Variants in SLC44A5 observed in about 807,000 individuals in gnomAD.
SLC44A5 encodes the protein solute carrier family 44 member 5.
In SLC44A5, 57 loss-of-function variants were observed where a neutral mutation model predicts 101.8. The ratio of observed to expected loss-of-function variants is 0.56; its 90% CI spans 0.45 to 0.70. SLC44A5 has a LOEUF of 0.70. SLC44A5 is among the 30% of genes least tolerant of loss of function. The pLI, the probability that SLC44A5 is intolerant of heterozygous loss-of-function variation, is 0.00. For missense variants in SLC44A5, 737 were observed against 853.1 expected, an observed-to-expected ratio of 0.86 and a Z score of 1.70; for synonymous variants, 281 against 290.9, an observed-to-expected ratio of 0.97 and a Z score of 0.35.
intron 3 of SLC44A5, among the ~76,000 whole-genome samples, chr1:75,384,153 G>A (rs7552855): frequency 1.1e-4 from 16 of 151,476 alleles, no homozygotes; most frequent in Admixed American, 5.9e-4. Flanking sequence ...ATGAACTAAC[G>A]AGCAAAATAA....
At chr1:75,702,274 A>G in the SLC44A5 span, among the ~76,000 whole-genome samples, 4 of 152,300 alleles carry the variant, frequency 2.6e-5, no homozygotes, top group African/African-American at 4.8e-5. Flanking sequence ...CAAGGCTACA[A>G]TAACGAAAAC....
At chr1:75,647,820 A>G in the SLC44A5 span, among the ~76,000 whole-genome samples, 3 of 152,198 alleles carry the variant, frequency 2.0e-5, no homozygotes, top group Non-Finnish European at 4.4e-5. Context: ...CTCCCATTGT[A>G]CCTTGGAAGT....
chr1:75,581,764 A>C (rs1673710539), intron 1 of SLC44A5, among the ~76,000 whole-genome samples: 1 of 152,084 alleles, frequency 6.6e-6, no homozygotes, highest in South Asian at 2.1e-4. Context: ...CCTCACTCTT[A>C]ATTCCCTTGA....
chr1:75,714,662 A>G, the SLC44A5 span, among the ~76,000 whole-genome samples: 2 of 152,190 alleles, frequency 1.3e-5, no homozygotes, highest in African/African-American at 2.4e-5. Flanking sequence ...CAAAATTTCA[A>G]TGTACAAAAA....
At chr1:75,629,379 G>C in the SLC44A5 span, among the ~76,000 whole-genome samples, 2 of 152,154 alleles carry the variant, frequency 1.3e-5, no homozygotes, top group Non-Finnish European at 2.9e-5. Context: ...CAAAGAATCT[G>C]GGCTCCATGT....
chr1:75,250,994 G>A (rs1557578367), intron 7 of SLC44A5, among the ~76,000 whole-genome samples: 1 of 152,112 alleles, frequency 6.6e-6, no homozygotes, highest in Non-Finnish European at 1.5e-5. Context: ...CAATCATCGA[G>A]CTTCCTAAGT....
At chr1:75,318,591 A>G (rs1489488913) in intron 4 of SLC44A5, among the ~76,000 whole-genome samples, 1 of 152,164 alleles carries the variant, frequency 6.6e-6, no homozygotes, top group East Asian at 1.9e-4. Flanking sequence ...TTCATATAGG[A>G]ACTTGAGGAT....
At position 75,292,685 on chromosome 1, in the gene SLC44A5, C is replaced by T. The variant is rs959601496; in HGVS notation, c.175+7927G>A. The stretch of plus-strand genomic sequence containing the variant: ...GTTGATGATCTTTGCAGAAGAATAC[C>T]TGCCTTTCATTTATCCCCCAAACTG... On this transcript the variant is annotated intron_variant, in intron 5 of 23. Coordinates refer to ENST00000370859, the MANE Select transcript of SLC44A5 (RefSeq NM_001130058.2). 6.6e-5 allele frequency among the ~76,000 whole-genome samples: 10 copies of T among 152,156 alleles called. No individual in the cohort carries two copies. In the East Asian group the frequency reaches 7.7e-4, roughly 12 times the overall value.
chr1:75,486,832 A>G (rs1231104905), intron 2 of SLC44A5, among the ~76,000 whole-genome samples: 1 of 152,142 alleles, frequency 6.6e-6, no homozygotes, highest in African/African-American at 2.4e-5. Flanking sequence ...TCTGAATCCT[A>G]CTGTTCTTGA....
chr1:75,237,028 T>C lies in SLC44A5; in HGVS notation c.699A>G (p.Lys233=). Residue 233 remains lysine (K), a synonymous_variant, in exon 11 of 24, where the codon AAA becomes AAG. Transcript: ENST00000370859. ...AAGTTCTTGCATAGTCTTCAAACAC[T>C]TTCAATCCAAGTGACTTTGCATCAA... The part of the protein sequence containing the change: ...KLLDAKSLGL[K]VFEDYARTWY... 6.2e-7 allele frequency: 1 copy of C among 1,603,586 alleles called. No individual in the cohort carries two copies. The highest frequency in any genetic ancestry group is 8.5e-7 in the Non-Finnish European group (1 of 1,172,552).
At chr1:75,610,136 TAC>T (rs144198306) in intron 1 of SLC44A5, among the ~76,000 whole-genome samples, 7,682 of 144,208 alleles carry the variant, frequency 0.053, 255 homozygotes, top group Admixed American at 0.068. Flanking sequence ...AGTCAAGAAA[TAC>T]ACACACACAC....
At chr1:75,279,633 C>A (rs1232148496) in intron 5 of SLC44A5, among the ~76,000 whole-genome samples, 1 of 151,716 alleles carries the variant, frequency 6.6e-6, no homozygotes, top group African/African-American at 2.4e-5. Context: ...TTTTTTTGTT[C>A]TTCAGAATTT....
chr1:75,552,946 T>A (rs1235827290), intron 1 of SLC44A5, among the ~76,000 whole-genome samples: 1 of 152,152 alleles, frequency 6.6e-6, no homozygotes, highest in Non-Finnish European at 1.5e-5. Flanking sequence ...GAGGTTTTTT[T>A]AAATTCCATT....
chr1:75,246,441 C>A (rs1649113203), intron 7 of SLC44A5, among the ~76,000 whole-genome samples: 1 of 151,894 alleles, frequency 6.6e-6, no homozygotes, highest in Non-Finnish European at 1.5e-5. Context: ...TTTACTGATC[C>A]CCTACTCTGA....
At chr1:75,493,378 C>A (rs1668520143) in intron 2 of SLC44A5, among the ~76,000 whole-genome samples, 1 of 152,072 alleles carries the variant, frequency 6.6e-6, no homozygotes, top group Non-Finnish European at 1.5e-5. Context: ...CAATTATATA[C>A]CAGTGAATAC....
intron 2 of SLC44A5, among the ~76,000 whole-genome samples, chr1:75,499,359 T>G (rs958236529): frequency 6.6e-6 from 1 of 152,208 alleles, no homozygotes; most frequent in Non-Finnish European, 1.5e-5. Context: ...CAACAGGGTT[T>G]GTGCTCCTAT....
At chr1:75,645,348 G>A in the SLC44A5 span, among the ~76,000 whole-genome samples, 32 of 152,046 alleles carry the variant, frequency 2.1e-4, no homozygotes, top group Non-Finnish European at 3.4e-4. Flanking sequence ...ATCTCATTGT[G>A]GTTTTGATTT....
chr1:75,246,294 G>C (rs1201068013), intron 7 of SLC44A5, among the ~76,000 whole-genome samples: 1 of 152,002 alleles, frequency 6.6e-6, no homozygotes, highest in African/African-American at 2.4e-5. Flanking sequence ...CAAGAAAAAA[G>C]CATAATATGC....
At chr1:75,222,660 T>C (rs1647112183) in intron 13 of SLC44A5, among the ~76,000 whole-genome samples, 200 bp from the exon 14 acceptor site, 1 of 152,240 alleles carries the variant, frequency 6.6e-6, no homozygotes, top group South Asian at 2.1e-4. Flanking sequence ...TTAAAGCCTT[T>C]AGCAAGGGCT....
Sources: gnomAD v4.1 joint callset for allele counts (sites outside exome capture counted in the v4.1 genomes callset) on GRCh38, gnomAD v4.1.1 for gene constraint, MANE v1.5 for transcripts, NCBI Gene and HGNC (gene_info 2026-07-23, HGNC 2026-07-21) for gene names.